DNAH11: variants seen among roughly 807,000 people sequenced by gnomAD.
DNAH11 encodes the protein axonemal beta dynein heavy chain 11.
In DNAH11, 442 loss-of-function variants were observed where a neutral mutation model predicts 526.0. The observed-to-expected ratio is 0.84, with a 90% confidence interval of 0.78 to 0.91. DNAH11 has a LOEUF of 0.91. Ranked by LOEUF, DNAH11 falls within the 40% of genes least tolerant of loss-of-function variation. The probability of loss-of-function intolerance (pLI) is 0.00; values close to 1 mark genes in which losing one functional copy is unlikely to be tolerated. For synonymous variants in DNAH11, 2,461 were observed against 1,935.9 expected, an observed-to-expected ratio of 1.27 and a Z score of -7.12; for missense variants, 6,989 against 5,448.7, an observed-to-expected ratio of 1.28 and a Z score of -8.90.
intron 30 of DNAH11, among the ~76,000 whole-genome samples, chr7:21,659,993 T>C (rs1243893572): frequency 6.6e-6 from 1 of 152,098 alleles, no homozygotes; most frequent in Non-Finnish European, 1.5e-5. Context: ...AAAAAGAAAT[T>C]CTTGATTTTA....
chr7:21,868,749 A>G (rs1411866540), intron 72 of DNAH11, 115 bp from the exon 73 acceptor site: 1 of 1,327,994 alleles, frequency 7.5e-7, no homozygotes, highest in African/African-American at 1.5e-5. Context: ...TCTTCAGGAA[A>G]GTCACTCAGA....
chr7:21,882,896 ATAAAAAT>A (rs998529619), intron 75 of DNAH11, among the ~76,000 whole-genome samples: 2 of 152,258 alleles, frequency 1.3e-5, no homozygotes, highest in Non-Finnish European at 2.9e-5. Flanking sequence ...CCCTAGTTAA[ATAAAAAT>A]TAAAAAGAGA....
At chr7:21,579,931 A>G (rs73682643) in intron 8 of DNAH11, among the ~76,000 whole-genome samples, 370 of 152,304 alleles carry the variant, frequency 2.4e-3, no homozygotes, top group African/African-American at 8.4e-3. Context: ...GATAGTAGAG[A>G]GACTCCAGAG....
In DNAH11 at chr7:21,742,003, T is replaced by G; in HGVS notation, c.7991T>G (p.Phe2664Cys). ...LNTIYGQIFS[F>C]HFQQQAFAPS... ...ACCATCTATGGCCAAATCTTTAGCT[T>G]CCATTTCCAACAGCAAGCATTTGCT... The change falls in exon 49 of 82, where the codon TTC (phenylalanine) becomes TGC (cysteine). Residue 2664 changes from phenylalanine (F) to cysteine (C), a missense_variant. Physicochemically the swap from Phe to Cys is radical, Grantham distance 205 (BLOSUM62 -2). Transcript: ENST00000409508. The G allele has an allele frequency of 6.2e-7, 1 of 1,613,958 alleles. No individual in the cohort carries two copies. The highest frequency in any genetic ancestry group is 8.5e-7 in the Non-Finnish European group (1 of 1,179,868).
At chr7:21,872,512 G>A (rs964570086) in intron 73 of DNAH11, among the ~76,000 whole-genome samples, 1 of 152,074 alleles carries the variant, frequency 6.6e-6, no homozygotes, top group Non-Finnish European at 1.5e-5. Flanking sequence ...CTGTATCAAG[G>A]ACTTCTCCAA....
Position 21,783,506 on chromosome 7 carries a change from G to A in DNAH11, c.9484-921G>A, listed in dbSNP as rs553497478. Among the ~76,000 whole-genome samples, 32 of 152,196 alleles carry A rather than the reference G, an allele frequency of 2.1e-4. No individual in the cohort carries two copies. The South Asian group carries it at 5.2e-3, about 25-fold the overall frequency. On this transcript the variant is annotated intron_variant, in intron 57 of 81. Transcript: ENST00000409508. ...CACAATCACCATCACCACGGGAACC[G>A]TCTCCCATGGTGGCTAGATCCTGGT... is the stretch of plus-strand genomic sequence containing the variant.
chr7:21,809,833 T>C (rs1044663203), intron 63 of DNAH11, among the ~76,000 whole-genome samples: 1 of 152,176 alleles, frequency 6.6e-6, no homozygotes, highest in African/African-American at 2.4e-5. Flanking sequence ...CCCAAAATGC[T>C]GGAATTACAG....
At chr7:21,601,296 C>G (rs756443726) in intron 17 of DNAH11, 100 bp from the exon 18 acceptor site, 7 of 1,433,840 alleles carry the variant, frequency 4.9e-6, no homozygotes, top group South Asian at 1.4e-5. Flanking sequence ...AATGTTTAAT[C>G]AGGTACATAA....
intron 28 of DNAH11, among the ~76,000 whole-genome samples, chr7:21,647,582 A>G (rs1320977941): frequency 3.3e-5 from 5 of 151,874 alleles, no homozygotes; most frequent in Admixed American, 3.3e-4. Context: ...GGCGCCTACC[A>G]CCACAACTGG....
chr7:21,763,248 A>G (rs1409189494), intron 54 of DNAH11, among the ~76,000 whole-genome samples: 1 of 151,070 alleles, frequency 6.6e-6, no homozygotes, highest in Non-Finnish European at 1.5e-5. Flanking sequence ...AGGCTGAGGC[A>G]GGAGAATCAC....
At position 21,894,610 on chromosome 7, in the gene DNAH11, T is replaced by A; in HGVS notation, c.12751-13T>A. The A allele has an allele frequency of 6.2e-7, 1 of 1,611,280 alleles. No homozygotes were observed. The highest frequency in any genetic ancestry group is 8.5e-7 in the Non-Finnish European group (1 of 1,178,706). On this transcript the variant is annotated splice_polypyrimidine_tract_variant and intron_variant, in intron 77 of 81. Coordinates refer to ENST00000409508, the MANE Select transcript of DNAH11 (RefSeq NM_001277115.2). ...AATAGAAAGGAGCTAAATCTTTGTG[T>A]TACTGATTTAAGGTTAAGAATGTCT...
chr7:21,721,110 C>G lies in DNAH11; in HGVS notation c.7266+254C>G, dbSNP rs148499174. ...TGAAAGTTCTGTGTTTCTGGCTGCT[C>G]TGGGGCCTCGCCTTCAGCATGCTGT... On this transcript the variant is annotated intron_variant, in intron 44 of 81. Coordinates refer to ENST00000409508, the MANE Select transcript of DNAH11 (RefSeq NM_001277115.2). Among the ~76,000 whole-genome samples the G allele has an allele frequency of 4.2e-4, 64 of 152,314 alleles. 1 individual carries two copies. In the East Asian group the frequency reaches 0.01, roughly 25 times the overall value.
At chr7:21,682,694 G>C (rs1783194633) in intron 31 of DNAH11, among the ~76,000 whole-genome samples, 1 of 152,058 alleles carries the variant, frequency 6.6e-6, no homozygotes, top group South Asian at 2.1e-4. Context: ...TTAAAACAAG[G>C]CAATTCCTTT....
chr7:21,888,487 A>T (rs867897584), intron 76 of DNAH11, among the ~76,000 whole-genome samples: 64 of 150,684 alleles, frequency 4.2e-4, no homozygotes, highest in African/African-American at 1.5e-3. Flanking sequence ...GATGATTTCA[A>T]TTTTTTTTTT....
rs141889672 is a variant in DNAH11, at chr7:21,563,139, C to G, written c.983-1047C>G. On this transcript the variant is annotated intron_variant, in intron 5 of 81. Coordinates refer to ENST00000409508, the MANE Select transcript of DNAH11 (RefSeq NM_001277115.2). ...AGAGAAAACTTTGGATTCAATTAAG[C>G]AGTCATTAATGAGAGTTAAATATTT... Among the ~76,000 whole-genome samples, 71 of 152,246 alleles carry G rather than the reference C, an allele frequency of 4.7e-4. 2 individuals are homozygous for G. In the East Asian group the frequency reaches 0.013, roughly 27 times the overall value.
At chr7:21,651,023 A>G (rs1210708987) in intron 28 of DNAH11, among the ~76,000 whole-genome samples, 2 of 152,150 alleles carry the variant, frequency 1.3e-5, no homozygotes, top group Non-Finnish European at 2.9e-5. Flanking sequence ...TACACATGTA[A>G]AAATCATGGA....
At chr7:21,625,346 C>T (rs1004132141) in intron 25 of DNAH11, among the ~76,000 whole-genome samples, 1 of 152,016 alleles carries the variant, frequency 6.6e-6, no homozygotes, top group Admixed American at 6.5e-5. Flanking sequence ...GTATTTCTGT[C>T]GTATCAGTTG....
chr7:21,809,362 C>T (rs1390761926), intron 63 of DNAH11, among the ~76,000 whole-genome samples: 1 of 152,024 alleles, frequency 6.6e-6, no homozygotes, highest in African/African-American at 2.4e-5. Context: ...TGGTTGTTTC[C>T]TTTGCTGAGC....
In DNAH11 at chr7:21,846,498, T is replaced by C. The variant is rs372907240; in HGVS notation, c.10896+3750T>C. Among the ~76,000 whole-genome samples, 26 of 152,322 alleles carry C rather than the reference T, an allele frequency of 1.7e-4. 2 individuals are homozygous for C. The highest frequency in any genetic ancestry group is 1.7e-3 in the South Asian group (8 of 4,826). On this transcript the variant is annotated intron_variant, in intron 66 of 81. Coordinates refer to ENST00000409508, the MANE Select transcript of DNAH11 (RefSeq NM_001277115.2). ...ATTGATATGACTACATTTTTCTTCT[T>C]TAGCTTGTTATATATCATTACTTCA... is the stretch of plus-strand genomic sequence containing the variant.
Sources: allele counts gnomAD v4.1 joint callset (sites outside exome capture counted in the v4.1 genomes callset), GRCh38; gene constraint gnomAD v4.1.1; transcripts MANE v1.5; gene names NCBI Gene and HGNC (gene_info 2026-07-23, HGNC 2026-07-21).